The following COL6A2 variants were observed in gnomAD, a reference collection of about 807,000 sequenced individuals.
The protein encoded by COL6A2 is collagen alpha-2(VI) chain.
Under a neutral mutation model 124.9 loss-of-function variants are expected in COL6A2, and 90 were observed. The ratio of observed to expected loss-of-function variants is 0.72; its 90% confidence interval spans 0.61 to 0.86. The LOEUF (loss-of-function observed/expected upper bound fraction) is 0.86, where lower values mean the gene tolerates loss of function less well. Ranked by LOEUF, COL6A2 falls within the 40% of genes least tolerant of loss-of-function variation. COL6A2 has a pLI of 0.00. For missense variants in COL6A2, 1,607 were observed against 1,502.5 expected, an observed-to-expected ratio of 1.07 and a Z score of -1.15; for synonymous variants, 793 against 618.2, an observed-to-expected ratio of 1.28 and a Z score of -4.19.
intron 19 of COL6A2, 47 bp from the exon 20 acceptor site, chr21:46,122,449 C>T (rs769580545): frequency 6.2e-7 from 1 of 1,611,856 alleles, no homozygotes; most frequent in Non-Finnish European, 8.5e-7. Flanking sequence ...GAGGAAGGAG[C>T]ACTGGGATCT....
chr21:46,117,612 G>T (rs2078492549), intron 11 of COL6A2, 159 bp downstream of exon 11: 2 of 834,496 alleles, frequency 2.4e-6, no homozygotes, highest in Non-Finnish European at 3.9e-6. Context: ...CCGGGTCGGA[G>T]TCATGTGAGG....
chr21:46,112,016 G>A lies in COL6A2; in HGVS notation c.153G>A (p.Leu51=). 1.2e-6 allele frequency: 2 copies of A among 1,612,756 alleles called. No homozygotes were observed. ...GCCCCATCCACGTGTACTTCGTGCTGGACACCTCGGAGAGCGTCACCATGC... is the reference window on the plus strand; with the variant it reads ...GCCCCATCCACGTGTACTTCGTGCTAGACACCTCGGAGAGCGTCACCATGC... The part of the protein sequence containing the change: ...TDCPIHVYFV[L]DTSESVTMQS... Residue 51 remains leucine (L), a synonymous_variant, in exon 3 of 28, where the codon CTG becomes CTA. Coordinates refer to ENST00000300527, the MANE Select transcript of COL6A2 (RefSeq NM_001849.4).
At chr21:46,115,981 G>A (rs1172657290) in intron 6 of COL6A2, 28 bp from the exon 7 acceptor site, 1 of 1,611,762 alleles carries the variant, frequency 6.2e-7, no homozygotes, top group African/African-American at 1.3e-5. Context: ...CCAGGGCTGG[G>A]CTCACACTGC....
At chr21:46,112,701 G>A in intron 3 of COL6A2, 103 bp from the exon 4 acceptor site, 1 of 1,598,924 alleles carries the variant, frequency 6.3e-7, no homozygotes. Flanking sequence ...TCCGGGCAGG[G>A]CCTGGGCCAC....
At chr21:46,111,856 G>C in intron 2 of COL6A2, 123 bp from the exon 3 acceptor site, 1 of 1,073,914 alleles carries the variant, frequency 9.3e-7, no homozygotes, top group Non-Finnish European at 1.4e-6. Flanking sequence ...GGGGTTGGGG[G>C]CCGGGGGCTC....
intron 19 of COL6A2, 135 bp downstream of exon 19, chr21:46,122,293 G>A (rs2078579370): frequency 3.2e-6 from 4 of 1,240,550 alleles, no homozygotes; most frequent in African/African-American, 3.0e-5. Flanking sequence ...GGGACAGAGT[G>A]GTGAGAAGGC....
At chr21:46,124,617 C>T (rs1450774676) in intron 21 of COL6A2, 34 bp from the exon 22 acceptor site, 2 of 1,607,294 alleles carry the variant, frequency 1.2e-6, no homozygotes, top group Non-Finnish European at 1.7e-6. Context: ...GTCCCTGGGG[C>T]CACTGAAGCC....
chr21:46,126,456 G>T, intron 26 of COL6A2, 47 bp from the exon 27 acceptor site: 1 of 1,604,264 alleles, frequency 6.2e-7, no homozygotes, highest in Non-Finnish European at 8.5e-7. Context: ...CTGAGGGTTC[G>T]CTAGGGACTG....
chr21:46,107,884 AC>A (rs2078351441), intron 1 of COL6A2, among the ~76,000 whole-genome samples: 1 of 152,094 alleles, frequency 6.6e-6, no homozygotes, highest in South Asian at 2.1e-4. Context: ...ACCGAGCTGC[AC>A]CCCAGCCACC....
Position 46,117,383 on chromosome 21 carries a change from G to A in COL6A2, c.1000-17G>A, listed in dbSNP as rs2123631123. On this transcript the variant is annotated splice_polypyrimidine_tract_variant and intron_variant, in intron 10 of 27. Coordinates refer to ENST00000300527, the MANE Select transcript of COL6A2 (RefSeq NM_001849.4). ...AGAACCCCGCCCTGAGACTCCTCCT[G>A]CCCCCTTCTCCTTCAGGGCAAGCTG... 3 of 1,612,114 alleles carry A rather than the reference G, an allele frequency of 1.9e-6. No individual in the cohort carries two copies. The East Asian group carries it at 6.7e-5, about 36-fold the overall frequency.
In COL6A2 at chr21:46,112,430, C is replaced by T. The variant is rs563505047; in HGVS notation, c.567C>T (p.Ala189=). The change falls in exon 3 of 28, where the codon GCC becomes GCT. Residue 189 remains alanine (A), a synonymous_variant. Coordinates refer to ENST00000300527, the MANE Select transcript of COL6A2 (RefSeq NM_001849.4). ...RAREEGIRLF[A]VAPNQNLKEQ... is the part of the protein sequence containing the mutation. ...GCGAGGAGGGCATCCGGCTCTTCGC[C>T]GTGGCCCCCAACCAGAACCTGAAGG... is the stretch of plus-strand genomic sequence containing the variant. 5.1e-5 allele frequency: 82 copies of T among 1,609,438 alleles called. No individual in the cohort carries two copies. The highest frequency in any genetic ancestry group is 4.1e-4 in the South Asian group (37 of 91,032).
chr21:46,108,363 T>C (rs2078358524), intron 1 of COL6A2, among the ~76,000 whole-genome samples: 1 of 152,200 alleles, frequency 6.6e-6, no homozygotes, highest in African/African-American at 2.4e-5. Flanking sequence ...GATCTACGAA[T>C]GGAATCCCTG....
chr21:46,104,814 CAATA>C (rs2078320440), intron 1 of COL6A2, among the ~76,000 whole-genome samples: 3 of 152,160 alleles, frequency 2.0e-5, no homozygotes, highest in Admixed American at 1.3e-4. Flanking sequence ...AAGGAATCCT[CAATA>C]AAACTATTAG....
At chr21:46,111,195 A>AT (rs1324638965) in intron 1 of COL6A2, among the ~76,000 whole-genome samples, 1 of 152,122 alleles carries the variant, frequency 6.6e-6, no homozygotes, top group Non-Finnish European at 1.5e-5. Context: ...GGCCTCAACC[A>AT]TCCAAATCCC....
chr21:46,106,676 C>T (rs2078338019), intron 1 of COL6A2, among the ~76,000 whole-genome samples: 1 of 152,188 alleles, frequency 6.6e-6, no homozygotes. Context: ...GGTGAGCCCT[C>T]ATCCCAGCCT....
Position 46,132,845 on chromosome 21 carries a change from C to A in COL6A2, c.*293C>A. On this transcript the variant is annotated 3_prime_UTR_variant, in exon 28 of 28. Transcript: ENST00000300527. ...GCCCTGACCCAATAAAGGCTTTGAA[C>A]CCATTGCGTGCCTGCTTGCGAGCTT... The A allele has an allele frequency of 2.0e-6, 1 of 507,238 alleles. No homozygotes were observed. The highest frequency in any genetic ancestry group is 3.6e-6 in the Non-Finnish European group (1 of 278,442). 31.4% of individuals were successfully genotyped at this position (507,238 alleles called of 1,614,324 possible).
intron 20 of COL6A2, 129 bp downstream of exon 20, chr21:46,122,660 C>G (rs2078585319): frequency 8.9e-7 from 1 of 1,121,756 alleles, no homozygotes; most frequent in Non-Finnish European, 1.3e-6. Context: ...CTCCCCAAGG[C>G]CCAGCCATGT....
chr21:46,112,926 T>C, intron 4 of COL6A2, 102 bp downstream of exon 4: 2 of 1,483,430 alleles, frequency 1.3e-6, no homozygotes, highest in Non-Finnish European at 1.9e-6. Flanking sequence ...CTGGAACAGA[T>C]GAGAGGAGAG....
Position 46,126,194 on chromosome 21 carries a change from C to A in COL6A2, c.2379C>A (p.Val793=), listed in dbSNP as rs1192187806. 2 of 1,604,002 alleles carry A rather than the reference C, an allele frequency of 1.2e-6. No homozygotes were observed. Among genetic ancestry groups the A allele is most frequent in the East Asian group, 2.2e-5 (1 of 44,824 alleles). Residue 793 remains valine (V), a synonymous_variant, in exon 26 of 28, where the codon GTC becomes GTA. Coordinates refer to ENST00000300527, the MANE Select transcript of COL6A2 (RefSeq NM_001849.4). Reference sequence around the variant, plus strand: ...ACATGACGCTGTTCTCCGACCTGGTCGCTGAGAAGTTCATCGATGACATGG... The same window carrying A: ...ACATGACGCTGTTCTCCGACCTGGTAGCTGAGAAGTTCATCGATGACATGG... The part of the protein sequence containing the change: ...VRNMTLFSDL[V]AEKFIDDMED...
Sources: gnomAD v4.1 joint callset for allele counts (sites outside exome capture counted in the v4.1 genomes callset) on GRCh38, gnomAD v4.1.1 for gene constraint, MANE v1.5 for transcripts, NCBI Gene and HGNC (gene_info 2026-07-23, HGNC 2026-07-21) for gene names.